TACC1: variants seen among roughly 807,000 people sequenced by gnomAD.
TACC1 encodes the protein transforming acidic coiled-coil containing protein 1, also known as transforming acidic coiled-coil-containing protein 1.
Under a neutral mutation model 84.4 loss-of-function variants are expected in TACC1, and 48 were observed. That is an observed-to-expected ratio of 0.57 (90% confidence interval 0.45 to 0.72). The LOEUF is 0.72. Among genes scored for constraint, TACC1 ranks in the 30% least tolerant of loss-of-function variants. The probability of loss-of-function intolerance (pLI) is 0.00; values close to 1 mark genes in which losing one functional copy is unlikely to be tolerated. For synonymous variants in TACC1, 372 were observed against 376.3 expected, an observed-to-expected ratio of 0.99 and a Z score of 0.13; for missense variants, 920 against 973.0, an observed-to-expected ratio of 0.95 and a Z score of 0.72.
intron 2 of TACC1, among the ~76,000 whole-genome samples, chr8:38,796,313 T>C (rs1819965849): frequency 6.6e-6 from 1 of 152,218 alleles, no homozygotes; most frequent in Non-Finnish European, 1.5e-5. Context: ...ATTATACAGC[T>C]TTTCTCTCCA....
intron 3 of TACC1, among the ~76,000 whole-genome samples, chr8:38,776,039 G>T (rs193247060): frequency 1.3e-5 from 2 of 152,248 alleles, no homozygotes; most frequent in Non-Finnish European, 2.9e-5. Flanking sequence ...TATAGGATTT[G>T]GGTCAGTTAT....
intron 1 of TACC1, among the ~76,000 whole-genome samples, chr8:38,740,441 C>T (rs2151669153): frequency 6.6e-6 from 1 of 152,356 alleles, no homozygotes; most frequent in Non-Finnish European, 1.5e-5. Flanking sequence ...TCTAGGGTTG[C>T]CCGCACCTTT....
chr8:38,748,550 T>TA (rs1365309712), intron 3 of TACC1, among the ~76,000 whole-genome samples: 1 of 152,124 alleles, frequency 6.6e-6, no homozygotes, highest in Non-Finnish European at 1.5e-5. Flanking sequence ...TTCTGGACCA[T>TA]AAAAAAGTTT....
intron 7 of TACC1, among the ~76,000 whole-genome samples, chr8:38,837,218 C>A (rs1425351198): frequency 6.7e-6 from 1 of 148,610 alleles, no homozygotes. Context: ...AATTCGAGAC[C>A]AGACTGACCA....
chr8:38,816,458 A>G (rs1391922015), intron 2 of TACC1, among the ~76,000 whole-genome samples: 1 of 152,194 alleles, frequency 6.6e-6, no homozygotes, highest in African/African-American at 2.4e-5. Context: ...CAGACCCCAC[A>G]AGTTAAGGTC....
chr8:38,778,317 G>A (rs1815253166), intron 3 of TACC1, among the ~76,000 whole-genome samples: 1 of 151,572 alleles, frequency 6.6e-6, no homozygotes, highest in Non-Finnish European at 1.5e-5. Flanking sequence ...TTTACAATGG[G>A]TACAGAAGGA....
chr8:38,787,144 G>C (rs1301001712), upstream of TACC1: 7 of 947,336 alleles, frequency 7.4e-6, no homozygotes, highest in East Asian at 1.2e-4. Context: ...CGCCGCCCCC[G>C]CGCGCGCGCG....
At chr8:38,745,490 A>G in exon 3 of TACC1, 1 of 691,586 alleles carries the variant, frequency 1.4e-6, no homozygotes, top group Non-Finnish European at 2.6e-6. Flanking sequence ...TTGAAACTTA[A>G]AAGGCAAGGG....
chr8:38,841,517 C>T (rs1337928159), intron 9 of TACC1, among the ~76,000 whole-genome samples: 1 of 152,198 alleles, frequency 6.6e-6, no homozygotes, highest in Non-Finnish European at 1.5e-5. Context: ...GCACTCTGCA[C>T]ACATCCACAA....
intron 6 of TACC1, among the ~76,000 whole-genome samples, chr8:38,834,232 C>T (rs998656694): frequency 6.6e-6 from 1 of 152,218 alleles, no homozygotes; most frequent in African/African-American, 2.4e-5. Context: ...TCCAAGCTCA[C>T]TCATGTGGTT....
intron 3 of TACC1, among the ~76,000 whole-genome samples, chr8:38,774,234 C>A (rs954216249): frequency 6.6e-6 from 1 of 152,220 alleles, no homozygotes; most frequent in Non-Finnish European, 1.5e-5. Context: ...CGTCCACCAG[C>A]CATTCTCAGA....
intron 2 of TACC1, among the ~76,000 whole-genome samples, chr8:38,799,419 A>T (rs932514195): frequency 6.6e-6 from 1 of 152,236 alleles, no homozygotes; most frequent in African/African-American, 2.4e-5. Context: ...ACAAAGAGTA[A>T]GGCCCCTGTG....
At chr8:38,783,086 C>A (rs1234517750), upstream of TACC1, among the ~76,000 whole-genome samples, 216 of 107,792 alleles carry the variant, frequency 2.0e-3, 2 homozygotes, top group African/African-American at 0.01. Flanking sequence ...ATCTATCTAT[C>A]TATCTATCTA....
intron 1 of TACC1, among the ~76,000 whole-genome samples, chr8:38,735,526 C>T (rs1805801064): frequency 2.0e-5 from 3 of 152,098 alleles, no homozygotes; most frequent in Admixed American, 2.0e-4. Flanking sequence ...AGGATTTAGT[C>T]CACTTCTTCC....
chr8:38,758,950 A>C (rs1810683578), intron 3 of TACC1, among the ~76,000 whole-genome samples: 1 of 152,178 alleles, frequency 6.6e-6, no homozygotes. Flanking sequence ...GGAAACAATC[A>C]AAACTTGTCT....
At chr8:38,760,028 C>CT (rs1554498307) in intron 3 of TACC1, among the ~76,000 whole-genome samples, 1,511 of 147,374 alleles carry the variant, frequency 0.01, 20 homozygotes, top group African/African-American at 0.036. Flanking sequence ...ATCTATTGTT[C>CT]TTTTTTTAAA....
At chr8:38,777,771 G>A (rs980031664) in intron 3 of TACC1, among the ~76,000 whole-genome samples, 3 of 152,140 alleles carry the variant, frequency 2.0e-5, no homozygotes, top group African/African-American at 7.2e-5. Context: ...TTTCAGCCTG[G>A]ACAATAGAGC....
At position 38,852,175 on chromosome 8, in the gene TACC1, C is replaced by A. The variant is rs1251989686; in HGVS notation, c.*4152C>A. 3.4e-6 allele frequency: 1 copy of A among 292,504 alleles called. No homozygotes were observed. The highest frequency in any genetic ancestry group is 7.0e-6 in the Non-Finnish European group (1 of 143,286). 18.1% of individuals were successfully genotyped at this position (292,504 alleles called of 1,614,324 possible). A position where few individuals can be genotyped will look rare whatever the true frequency, so the allele number is the denominator to read the frequency against. ...TTTTTGTCCAAATGCAATCCCATTT[C>A]TGTGCCTCTTAGCATGCAGTTAGAT... On this transcript the variant is annotated 3_prime_UTR_variant, in exon 13 of 13. Transcript: ENST00000317827.
chr8:38,846,616 A>G, intron 11 of TACC1, 83 bp from the exon 12 acceptor site: 3 of 1,528,880 alleles, frequency 2.0e-6, no homozygotes, highest in Admixed American at 1.9e-5. Flanking sequence ...CACAGATGTC[A>G]GTGGTTAGTA....
Sources: gnomAD v4.1 joint callset for allele counts (sites outside exome capture counted in the v4.1 genomes callset) on GRCh38, gnomAD v4.1.1 for gene constraint, MANE v1.5 for transcripts, NCBI Gene and HGNC (gene_info 2026-07-23, HGNC 2026-07-21) for gene names.